VAV3: variants seen among roughly 807,000 people sequenced by gnomAD.
VAV3 encodes guanine nucleotide exchange factor VAV3.
A neutral mutation model predicts 131.2 loss-of-function variants in VAV3; 94 were observed. The observed-to-expected ratio is 0.72, with a 90% confidence interval of 0.61 to 0.85. The LOEUF is 0.85. Ranked by LOEUF, VAV3 falls within the 40% of genes least tolerant of loss-of-function variation. The pLI is 0.00. For missense variants in VAV3, 939 were observed against 1,002.7 expected, an observed-to-expected ratio of 0.94 and a Z score of 0.86; for synonymous variants, 349 against 342.0, an observed-to-expected ratio of 1.02 and a Z score of -0.22.
chr1:107,708,265 A>G (rs538113084), intron 15 of VAV3, among the ~76,000 whole-genome samples: 1 of 152,208 alleles, frequency 6.6e-6, no homozygotes, highest in Non-Finnish European at 1.5e-5. Flanking sequence ...TGGATATAGT[A>G]GGACCAATCA....
chr1:107,770,902 G>A (rs1010954874), intron 5 of VAV3, among the ~76,000 whole-genome samples, 174 bp from the exon 6 acceptor site: 6 of 152,024 alleles, frequency 3.9e-5, no homozygotes, highest in South Asian at 4.1e-4. Context: ...TATAAAAATC[G>A]TGAACAATGT....
intron 1 of VAV3, among the ~76,000 whole-genome samples, chr1:107,928,915 T>C (rs567026205): frequency 1.3e-5 from 2 of 152,090 alleles, no homozygotes; most frequent in East Asian, 3.9e-4. Flanking sequence ...TCTAAAACAC[T>C]AAGCAGATTT....
intron 1 of VAV3, among the ~76,000 whole-genome samples, chr1:107,954,622 A>G (rs113000897): frequency 0.12 from 17,482 of 147,302 alleles, 1,955 homozygotes; most frequent in African/African-American, 0.3. Flanking sequence ...TGCAACCTCC[A>G]CCTCCCAGGT....
At chr1:107,744,698 C>T (rs564728132) in intron 15 of VAV3, among the ~76,000 whole-genome samples, 1 of 152,266 alleles carries the variant, frequency 6.6e-6, no homozygotes, top group South Asian at 2.1e-4. Flanking sequence ...TCAGGTTTAA[C>T]TTATTCCTGG....
At chr1:107,912,323 G>A (rs1440202345) in intron 1 of VAV3, among the ~76,000 whole-genome samples, 3 of 152,046 alleles carry the variant, frequency 2.0e-5, no homozygotes, top group African/African-American at 4.8e-5. Context: ...AATAAGCTCA[G>A]GTTTTAAAAA....
At chr1:107,588,558 T>G (rs1216349097) in intron 25 of VAV3, among the ~76,000 whole-genome samples, 1 of 152,192 alleles carries the variant, frequency 6.6e-6, no homozygotes, top group Non-Finnish European at 1.5e-5. Context: ...TCACACCTAC[T>G]AACTCTTTTA....
rs185031042 is a variant in VAV3 at position 107,738,176 on chromosome 1, T to G, written c.1502+10792A>C. 4.7e-4 allele frequency among the ~76,000 whole-genome samples: 72 copies of G among 151,804 alleles called. No homozygotes were observed. The East Asian group carries it at 0.012, about 25-fold the overall frequency. ...ACAATGAGAACACTTGGACGAAGGG[T>G]GGGGAACATCACACACTGGGGCCCA... On this transcript the variant is annotated intron_variant, in intron 15 of 26. Transcript: ENST00000370056.
intron 20 of VAV3, among the ~76,000 whole-genome samples, chr1:107,635,964 TAATTC>T (rs1654901573): frequency 6.6e-6 from 1 of 152,230 alleles, no homozygotes; most frequent in African/African-American, 2.4e-5. Context: ...ATAATAATAG[TAATTC>T]ATTTTATAGA....
chr1:107,843,524 C>CGTGTGT (rs113866726), intron 2 of VAV3, among the ~76,000 whole-genome samples: 5 of 146,102 alleles, frequency 3.4e-5, no homozygotes, highest in African/African-American at 1.3e-4. Context: ...TGTATGTGTG[C>CGTGTGT]GTGTGTGTGT....
At chr1:107,796,798 A>T (rs1262441800) in intron 2 of VAV3, among the ~76,000 whole-genome samples, 2 of 107,994 alleles carry the variant, frequency 1.9e-5, no homozygotes, top group East Asian at 4.6e-4. Flanking sequence ...TGTAAAAAAA[A>T]AAAAAAATAT....
intron 19 of VAV3, among the ~76,000 whole-genome samples, chr1:107,662,855 C>T (rs987390488): frequency 6.6e-6 from 1 of 152,164 alleles, no homozygotes; most frequent in African/African-American, 2.4e-5. Flanking sequence ...AAAGCACTTT[C>T]ACAATGGGGC....
At chr1:107,612,112 T>C (rs972536186) in intron 21 of VAV3, among the ~76,000 whole-genome samples, 3 of 151,422 alleles carry the variant, frequency 2.0e-5, no homozygotes, top group African/African-American at 7.3e-5. Context: ...ATTGAGAATA[T>C]AGTATCCGTA....
chr1:107,773,422 T>G (rs888931902), intron 4 of VAV3, among the ~76,000 whole-genome samples: 1 of 152,248 alleles, frequency 6.6e-6, no homozygotes, highest in Non-Finnish European at 1.5e-5. Flanking sequence ...CATCAGTTAC[T>G]GCAGTGTTAT....
chr1:107,638,481 T>A (rs1214945524), intron 20 of VAV3, among the ~76,000 whole-genome samples: 2 of 152,114 alleles, frequency 1.3e-5, no homozygotes, highest in Non-Finnish European at 2.9e-5. Flanking sequence ...TGACAAAAGA[T>A]GTATATGACC....
At chr1:107,803,362 A>C (rs1353174256) in intron 2 of VAV3, among the ~76,000 whole-genome samples, 1 of 151,836 alleles carries the variant, frequency 6.6e-6, no homozygotes, top group African/African-American at 2.4e-5. Context: ...TGAAGTCTTT[A>C]TATTTTTTGA....
intron 7 of VAV3, among the ~76,000 whole-genome samples, 195 bp downstream of exon 7, chr1:107,768,244 CTT>C (rs1191788544): frequency 6.6e-6 from 1 of 152,042 alleles, no homozygotes; most frequent in African/African-American, 2.4e-5. Context: ...TGTTGACTGA[CTT>C]TTGGTTGAAG....
chr1:107,822,382 C>T (rs1344886376), intron 2 of VAV3, among the ~76,000 whole-genome samples: 5 of 152,116 alleles, frequency 3.3e-5, no homozygotes, highest in South Asian at 4.2e-4. Context: ...GGGCTGGGCG[C>T]GGTGGCTCAT....
At chr1:107,839,058 C>T (rs569213747) in intron 2 of VAV3, among the ~76,000 whole-genome samples, 1 of 152,144 alleles carries the variant, frequency 6.6e-6, no homozygotes, top group South Asian at 2.1e-4. Flanking sequence ...CACAATATAC[C>T]TCTGTAACAA....
Position 107,964,804 on chromosome 1 carries a change from C to A in VAV3, c.66G>T (p.Arg22=). The A allele has an allele frequency of 6.2e-7, 1 of 1,613,974 alleles. No individual in the cohort carries two copies. Among genetic ancestry groups the A allele is most frequent in the Non-Finnish European group, 8.5e-7 (1 of 1,179,986 alleles). ...IHCKVLPTNH[R]VTWDSAQVFD... Reference sequence around the variant, plus strand: ...ACACCTGAGCCGAGTCCCAGGTCACCCGGTGGTTGGTGGGCAGCACCTTGC... The same window carrying A: ...ACACCTGAGCCGAGTCCCAGGTCACACGGTGGTTGGTGGGCAGCACCTTGC... The change falls in exon 1 of 27, where the codon CGG becomes CGT. Residue 22 remains arginine (R), a synonymous_variant. Coordinates refer to ENST00000370056, the MANE Select transcript of VAV3 (RefSeq NM_006113.5).
Sources: allele counts gnomAD v4.1 joint callset (sites outside exome capture counted in the v4.1 genomes callset), GRCh38; gene constraint gnomAD v4.1.1; transcripts MANE v1.5; gene names NCBI Gene and HGNC (gene_info 2026-07-23, HGNC 2026-07-21).